Variants in TXNRD3 observed in about 807,000 individuals in gnomAD.
TXNRD3 encodes the protein thioredoxin reductase 3.
TXNRD3 carries 68 observed loss-of-function variants against 78.2 expected under a neutral mutation model. That is an observed-to-expected ratio of 0.87 (90% CI 0.72 to 1.06). The LOEUF is 1.06. TXNRD3 is among the 50% of genes least tolerant of loss of function. The pLI, the probability that TXNRD3 is intolerant of heterozygous loss-of-function variation, is 0.00. For synonymous variants in TXNRD3, 296 were observed against 300.1 expected (o/e 0.99, Z 0.14); for missense variants, 751 against 809.5 (o/e 0.93, Z 0.88).
intron 14 of TXNRD3, 77 bp from the exon 15 acceptor site, chr3:126,608,710 C>A: frequency 7.1e-7 from 1 of 1,417,748 alleles, no homozygotes. Flanking sequence ...TGCAAATTCA[C>A]AGTTAAAATA....
chr3:126,643,836 G>A (rs1933152840), intron 5 of TXNRD3, 145 bp downstream of exon 5: 2 of 680,498 alleles, frequency 2.9e-6, no homozygotes, highest in Non-Finnish European at 4.4e-6. Context: ...ATGAGCCTCT[G>A]GGCCAGGCCT....
At chr3:126,618,960 A>C (rs1001930479) in intron 12 of TXNRD3, among the ~76,000 whole-genome samples, 1 of 152,134 alleles carries the variant, frequency 6.6e-6, no homozygotes, top group Non-Finnish European at 1.5e-5. Flanking sequence ...CAAGTATATG[A>C]AAAAATGCTT....
At chr3:126,650,995 C>T (rs138780346) in intron 1 of TXNRD3, among the ~76,000 whole-genome samples, 59 of 152,264 alleles carry the variant, frequency 3.9e-4, no homozygotes, top group African/African-American at 1.4e-3. Context: ...AAGACCAAGG[C>T]TTATTCATTT....
chr3:126,644,499 A>G, intron 3 of TXNRD3, 98 bp from the exon 4 acceptor site: 1 of 810,026 alleles, frequency 1.2e-6, no homozygotes, highest in Non-Finnish European at 1.9e-6. Flanking sequence ...TTCTTTTATA[A>G]AAATCTTAGG....
At position 126,615,469 on chromosome 3, in the gene TXNRD3, GACAA is replaced by G; in HGVS notation, c.1525-11_1525-8del. The G allele has an allele frequency of 2.2e-6, 3 of 1,387,818 alleles. No individual in the cohort carries two copies. Among genetic ancestry groups the G allele is most frequent in the South Asian group, 1.4e-5 (1 of 73,076 alleles). The allele number at this position is 1,387,818 out of a possible 1,614,324, so 86.0% of individuals were successfully genotyped here. On this transcript the variant is annotated splice_polypyrimidine_tract_variant and splice_region_variant and intron_variant, in intron 12 of 15. Transcript: ENST00000524230. Reference sequence around the variant, plus strand: ...GAACATTAATATAATCACACTGAAAGACAAACAAATTACATTGTCTTATTTTGTG... The same window carrying G: ...GAACATTAATATAATCACACTGAAAGACAAATTACATTGTCTTATTTTGTG...
chr3:126,639,181 T>TGC (rs1331501204), intron 6 of TXNRD3, among the ~76,000 whole-genome samples: 2 of 152,236 alleles, frequency 1.3e-5, no homozygotes, highest in Non-Finnish European at 2.9e-5. Flanking sequence ...CATAAGTACC[T>TGC]GCCAAGTCAA....
Position 126,628,190 on chromosome 3 carries a change from G to C in TXNRD3, c.1290+1189C>G, listed in dbSNP as rs879561087. ...ACTTAGGTAACAAAAAATAGAAAAC[G>C]AGCTCCTTAACTTGATTAACAGCAT... On this transcript the variant is annotated intron_variant, in intron 10 of 15. Transcript: ENST00000524230. 5.3e-4 allele frequency among the ~76,000 whole-genome samples: 81 copies of C among 152,042 alleles called. 1 individual carries two copies. Among genetic ancestry groups the C allele is most frequent in the Non-Finnish European group, 4.3e-4 (29 of 67,918 alleles).
At chr3:126,635,936 C>A (rs1413830425) in intron 6 of TXNRD3, among the ~76,000 whole-genome samples, 1 of 151,906 alleles carries the variant, frequency 6.6e-6, no homozygotes, top group Admixed American at 6.6e-5. Flanking sequence ...AACACACACA[C>A]AAACATATTT....
At chr3:126,614,752 A>C (rs966028595) in intron 13 of TXNRD3, among the ~76,000 whole-genome samples, 10 of 152,210 alleles carry the variant, frequency 6.6e-5, no homozygotes, top group Non-Finnish European at 1.3e-4. Context: ...ATCAAGGGAA[A>C]GCACTGTGAT....
chr3:126,648,792 T>C (rs1933300999), intron 1 of TXNRD3, among the ~76,000 whole-genome samples: 1 of 152,172 alleles, frequency 6.6e-6, no homozygotes, highest in Non-Finnish European at 1.5e-5. Flanking sequence ...TTGACAATGA[T>C]TTTATGGATA....
At chr3:126,623,057 T>C (rs1463930696) in intron 10 of TXNRD3, among the ~76,000 whole-genome samples, 4 of 152,140 alleles carry the variant, frequency 2.6e-5, no homozygotes, top group African/African-American at 9.7e-5. Context: ...AGAAATACAT[T>C]TCTGTTGTTT....
At chr3:126,646,331 G>A (rs1387034449) in intron 2 of TXNRD3, 111 bp from the exon 3 acceptor site, 1 of 733,890 alleles carries the variant, frequency 1.4e-6, no homozygotes, top group Non-Finnish European at 2.0e-6. Context: ...CTCATAACAG[G>A]TCAGTGTGTT....
At chr3:126,653,195 C>T (rs1397227175) in intron 1 of TXNRD3, among the ~76,000 whole-genome samples, 1 of 152,178 alleles carries the variant, frequency 6.6e-6, no homozygotes, top group African/African-American at 2.4e-5. Context: ...GCCATAGGAA[C>T]TTAACTCTTA....
rs557290440 is a variant in TXNRD3, at chr3:126,644,245, C to T, written c.519+52G>A. On this transcript the variant is annotated intron_variant, in intron 4 of 15. Coordinates refer to ENST00000524230, the MANE Select transcript of TXNRD3 (RefSeq NM_052883.3). Reference sequence around the variant, plus strand: ...TTTTTTTAAGTAGCAGAAGAAATAGCTATGGCAGTCATCAGGAAAATTATC... The same window carrying T: ...TTTTTTTAAGTAGCAGAAGAAATAGTTATGGCAGTCATCAGGAAAATTATC... 95 of 1,455,642 alleles carry T rather than the reference C, an allele frequency of 6.5e-5. 1 individual carries two copies. The South Asian group carries it at 1.1e-3, about 17-fold the overall frequency. The allele number at this position is 1,455,642 out of a possible 1,614,324, so 90.2% of individuals were successfully genotyped here. A position where few individuals can be genotyped will look rare whatever the true frequency, so the allele number is the denominator to read the frequency against.
intron 10 of TXNRD3, among the ~76,000 whole-genome samples, chr3:126,628,412 A>G (rs985587546): frequency 2.0e-5 from 3 of 152,150 alleles, no homozygotes; most frequent in African/African-American, 7.2e-5. Context: ...ACAAATAAAT[A>G]AATGTGTACA....
At chr3:126,621,547 C>G (rs1275532592) in intron 12 of TXNRD3, among the ~76,000 whole-genome samples, 195 bp downstream of exon 12, 2 of 152,212 alleles carry the variant, frequency 1.3e-5, no homozygotes, top group Non-Finnish European at 2.9e-5. Context: ...TTGTGTATCA[C>G]CCAGCACAAC....
chr3:126,623,950 CA>C (rs981354966), intron 10 of TXNRD3, among the ~76,000 whole-genome samples: 6 of 149,852 alleles, frequency 4.0e-5, no homozygotes, highest in Admixed American at 3.3e-4. Flanking sequence ...GCTACAAGGT[CA>C]ATATAAAAAA....
intron 1 of TXNRD3, among the ~76,000 whole-genome samples, chr3:126,649,693 C>T (rs1933326264): frequency 6.6e-6 from 1 of 152,180 alleles, no homozygotes; most frequent in African/African-American, 2.4e-5. Context: ...ACACATGCTA[C>T]AACATGGTTG....
intron 12 of TXNRD3, among the ~76,000 whole-genome samples, chr3:126,619,255 C>T (rs1938387905): frequency 6.6e-6 from 1 of 152,142 alleles, no homozygotes; most frequent in Non-Finnish European, 1.5e-5. Flanking sequence ...AAGATATCTG[C>T]ACACCCATGT....
Sources: gnomAD v4.1 joint callset for allele counts (sites outside exome capture counted in the v4.1 genomes callset) on GRCh38, gnomAD v4.1.1 for gene constraint, MANE v1.5 for transcripts, NCBI Gene and HGNC (gene_info 2026-07-23, HGNC 2026-07-21) for gene names.